The following CORIN variants were observed in gnomAD, a reference collection of about 807,000 sequenced individuals.
CORIN encodes the protein atrial natriuretic peptide-converting enzyme.
Under a neutral mutation model 125.3 loss-of-function variants are expected in CORIN, and 117 were observed. The observed-to-expected ratio is 0.93, with a 90% confidence interval of 0.80 to 1.09. The LOEUF (loss-of-function observed/expected upper bound fraction) is 1.09, where lower values mean the gene tolerates loss of function less well. Ranked by LOEUF, CORIN falls within the 50% of genes least tolerant of loss-of-function variation. The probability of loss-of-function intolerance (pLI) is 0.00; values close to 1 mark genes in which losing one functional copy is unlikely to be tolerated. For synonymous variants in CORIN, 450 were observed against 466.4 expected (o/e 0.96, Z 0.45); for missense variants, 1,253 against 1,306.7 (o/e 0.96, Z 0.63).
At chr4:47,612,588 G>T (rs1264349418) in intron 19 of CORIN, among the ~76,000 whole-genome samples, 1 of 152,150 alleles carries the variant, frequency 6.6e-6, no homozygotes, top group Non-Finnish European at 1.5e-5. Flanking sequence ...TTAGAGAAGA[G>T]AAATCAGTGA....
At chr4:47,795,590 G>GA (rs149993769) in intron 2 of CORIN, among the ~76,000 whole-genome samples, 12 of 144,208 alleles carry the variant, frequency 8.3e-5, no homozygotes, top group South Asian at 2.2e-4. Context: ...TGGCAACAAA[G>GA]AAAAAAAAAA....
intron 10 of CORIN, among the ~76,000 whole-genome samples, chr4:47,665,785 TCTCAC>T (rs965937565): frequency 6.6e-6 from 1 of 152,198 alleles, no homozygotes; most frequent in Non-Finnish European, 1.5e-5. Context: ...GTTGAATACT[TCTCAC>T]TAATAAGACA....
chr4:47,767,331 C>G (rs1164516391), intron 3 of CORIN, among the ~76,000 whole-genome samples: 1 of 150,810 alleles, frequency 6.6e-6, no homozygotes, highest in Non-Finnish European at 1.5e-5. Context: ...GCACAGAATA[C>G]AAGACAGCCA....
chr4:47,666,072 G>T (rs978985470), intron 10 of CORIN, among the ~76,000 whole-genome samples: 3 of 152,122 alleles, frequency 2.0e-5, no homozygotes, highest in African/African-American at 7.2e-5. Flanking sequence ...CTGCTGCCTG[G>T]ATTAACCCTT....
At chr4:47,653,773 T>A in intron 12 of CORIN, 113 bp from the exon 13 acceptor site, 1 of 896,210 alleles carries the variant, frequency 1.1e-6, no homozygotes, top group Non-Finnish European at 1.7e-6. Flanking sequence ...AAGGGTGGTC[T>A]CTTGCAAAAC....
chr4:47,642,810 G>T, intron 15 of CORIN: 12 of 1,440,190 alleles, frequency 8.3e-6, no homozygotes, highest in Non-Finnish European at 9.1e-6. Flanking sequence ...GCAGGTAGAG[G>T]TGACAAAAGA....
chr4:47,746,695 C>T (rs1016849197), intron 4 of CORIN, among the ~76,000 whole-genome samples: 3 of 152,002 alleles, frequency 2.0e-5, no homozygotes, highest in African/African-American at 4.8e-5. Context: ...CCACCTCGCC[C>T]GGCTAATTTT....
Position 47,806,995 on chromosome 4 carries a change from G to T in CORIN, c.116C>A (p.Ala39Glu). The change falls in exon 2 of 22, where the codon GCG becomes GAG. Residue 39 changes from alanine (A) to glutamate (E), a missense_variant. Coordinates refer to ENST00000273857, the MANE Select transcript of CORIN (RefSeq NM_006587.4). Reference protein sequence around the residue: ...NMGNGCSQKLATANLLRFLLL... With the variant: ...NMGNGCSQKLETANLLRFLLL... Reference sequence around the variant, plus strand: ...TAGGAACCGGAGGAGGTTAGCAGTCGCCAGCTTCTGAGAGCAGCCATTGCC... The same window carrying T: ...TAGGAACCGGAGGAGGTTAGCAGTCTCCAGCTTCTGAGAGCAGCCATTGCC... 6.2e-7 allele frequency: 1 copy of T among 1,613,800 alleles called. No individual in the cohort carries two copies. The highest frequency in any genetic ancestry group is 2.2e-5 in the East Asian group (1 of 44,862).
chr4:47,711,998 A>G (rs956513991), intron 5 of CORIN, among the ~76,000 whole-genome samples: 1 of 152,232 alleles, frequency 6.6e-6, no homozygotes, highest in African/African-American at 2.4e-5. Flanking sequence ...GAAATAACCA[A>G]TTTGTAAATA....
At chr4:47,635,481 T>C (rs1722985609) in intron 16 of CORIN, among the ~76,000 whole-genome samples, 1 of 152,204 alleles carries the variant, frequency 6.6e-6, no homozygotes, top group African/African-American at 2.4e-5. Flanking sequence ...AGTTCTGTAT[T>C]CTATGCAAAA....
At chr4:47,752,648 T>C (rs1376996556) in intron 4 of CORIN, among the ~76,000 whole-genome samples, 1 of 152,226 alleles carries the variant, frequency 6.6e-6, no homozygotes, top group Non-Finnish European at 1.5e-5. Flanking sequence ...TTGTTTGCTA[T>C]GCCAATAGCA....
At chr4:47,833,265 A>C (rs1012730472) in intron 1 of CORIN, among the ~76,000 whole-genome samples, 1 of 152,240 alleles carries the variant, frequency 6.6e-6, no homozygotes, top group African/African-American at 2.4e-5. Flanking sequence ...ATACATACAT[A>C]GTTGACAAGG....
intron 16 of CORIN, among the ~76,000 whole-genome samples, chr4:47,633,654 G>C (rs764388818): frequency 6.6e-6 from 1 of 151,946 alleles, no homozygotes; most frequent in South Asian, 2.1e-4. Context: ...TTTTTTTTGA[G>C]AGACAGAAAT....
At chr4:47,814,986 T>C (rs564852853) in intron 1 of CORIN, among the ~76,000 whole-genome samples, 9 of 152,268 alleles carry the variant, frequency 5.9e-5, no homozygotes, top group African/African-American at 2.2e-4. Flanking sequence ...TCAAGGAGAC[T>C]AGATAATAAT....
intron 19 of CORIN, among the ~76,000 whole-genome samples, chr4:47,604,919 G>A (rs1721590750): frequency 6.6e-6 from 1 of 152,138 alleles, no homozygotes; most frequent in Non-Finnish European, 1.5e-5. Context: ...TATCACACTT[G>A]AGACAAATCC....
intron 5 of CORIN, chr4:47,706,295 T>C: frequency 2.0e-6 from 2 of 1,017,042 alleles, no homozygotes; most frequent in Non-Finnish European, 2.9e-6. Context: ...AGCTCTAAAC[T>C]GCTCTACTCT....
At chr4:47,623,541 G>T in intron 19 of CORIN, 30 bp downstream of exon 19, 1 of 1,606,132 alleles carries the variant, frequency 6.2e-7, no homozygotes, top group East Asian at 2.2e-5. Flanking sequence ...TCAAATCCAG[G>T]CAAAGGAAAA....
intron 5 of CORIN, among the ~76,000 whole-genome samples, chr4:47,693,925 C>A (rs1384556296): frequency 6.6e-6 from 1 of 152,096 alleles, no homozygotes; most frequent in African/African-American, 2.4e-5. Context: ...GCATCAAATG[C>A]CTTTTAAGTG....
intron 16 of CORIN, among the ~76,000 whole-genome samples, chr4:47,626,882 T>C (rs956543228): frequency 1.3e-5 from 2 of 152,188 alleles, no homozygotes; most frequent in Non-Finnish European, 1.5e-5. Context: ...TAAAATAAAA[T>C]AAACAACACA....
Sources: allele counts gnomAD v4.1 joint callset (sites outside exome capture counted in the v4.1 genomes callset), GRCh38; gene constraint gnomAD v4.1.1; transcripts MANE v1.5; gene names NCBI Gene and HGNC (gene_info 2026-07-23, HGNC 2026-07-21).